Variants in TIPARP observed in about 807,000 individuals in gnomAD.
The protein encoded by TIPARP is protein mono-ADP-ribosyltransferase TIPARP.
A neutral mutation model predicts 56.5 loss-of-function variants in TIPARP; 12 were observed. That is an observed-to-expected ratio of 0.21 (90% CI 0.14 to 0.34). TIPARP has a LOEUF of 0.34. Ranked by LOEUF, TIPARP falls within the 10% of genes least tolerant of loss-of-function variation. The probability of loss-of-function intolerance (pLI) is 1.00; values close to 1 mark genes in which losing one functional copy is unlikely to be tolerated. For missense variants in TIPARP, 604 were observed against 781.6 expected, an observed-to-expected ratio of 0.77 and a Z score of 2.71; for synonymous variants, 296 against 265.7, an observed-to-expected ratio of 1.11 and a Z score of -1.11.
chr3:156,703,903 C>T (rs1409988939), intron 5 of TIPARP, among the ~76,000 whole-genome samples: 3 of 151,512 alleles, frequency 2.0e-5, no homozygotes, highest in Admixed American at 6.6e-5. Context: ...GTCCCAGCTA[C>T]TCGGGAGGCT....
chr3:156,704,605 G>A (rs1040963498), intron 5 of TIPARP, 79 bp from the exon 6 acceptor site: 22 of 1,425,546 alleles, frequency 1.5e-5, no homozygotes, highest in Non-Finnish European at 1.9e-5. Flanking sequence ...ACCATAAAGA[G>A]AAGTTTATGA....
chr3:156,678,063 G>T lies in TIPARP; in HGVS notation c.366G>T (p.Pro122=). The T allele has an allele frequency of 6.2e-7, 1 of 1,614,054 alleles. No homozygotes were observed. Residue 122 remains proline, a synonymous_variant, in exon 2 of 6, where the codon CCG becomes CCT. Coordinates refer to ENST00000295924, the MANE Select transcript of TIPARP (RefSeq NM_015508.5). ...PDRTNVGDQI[P]EAHPSTEAPE... is the part of the protein sequence containing the mutation. The stretch of plus-strand genomic sequence containing the variant: ...GGACAAATGTTGGGGACCAGATACC[G>T]GAAGCCCATCCTTCCACTGAAGCTC...
rs1479652371 is a variant in TIPARP at position 156,678,515 on chromosome 3, C to T, written c.818C>T (p.Thr273Ile). 6.2e-7 allele frequency: 1 copy of T among 1,614,048 alleles called. No individual in the cohort carries two copies. The highest frequency in any genetic ancestry group is 2.2e-5 in the East Asian group (1 of 44,902). ...VLPYHWQIKR[T>I]TTQKWQSVFN... ...CCATATCATTGGCAGATCAAAAGGA[C>T]AACTACTCAAAAGTGGCAGAGTGTA... The change falls in exon 2 of 6, where the codon ACA becomes ATA. Residue 273 changes from threonine to isoleucine, a missense_variant. Thr to Ile is a moderately conservative substitution (Grantham distance 89). This residue lies in a region of TIPARP where 252 missense variants were observed against 303.9 expected (regional missense o/e 0.83). Coordinates refer to ENST00000295924, the MANE Select transcript of TIPARP (RefSeq NM_015508.5).
intron 2 of TIPARP, chr3:156,681,196 A>G (rs1247545177): frequency 2.0e-5 from 9 of 456,508 alleles, no homozygotes; most frequent in Non-Finnish European, 4.0e-5. Flanking sequence ...CCAGGTTCAC[A>G]TGGTTACCAC....
At chr3:156,686,757 TATG>T (rs1184727100) in intron 2 of TIPARP, among the ~76,000 whole-genome samples, 3 of 152,292 alleles carry the variant, frequency 2.0e-5, no homozygotes, top group Admixed American at 6.5e-5. Flanking sequence ...AAAATATTTT[TATG>T]ATAACTATAA....
At chr3:156,688,817 A>G (rs906642030) in intron 2 of TIPARP, among the ~76,000 whole-genome samples, 35 of 152,208 alleles carry the variant, frequency 2.3e-4, no homozygotes, top group Non-Finnish European at 4.3e-4. Context: ...CGGCAAACAT[A>G]TCCCATCTGC....
intron 4 of TIPARP, among the ~76,000 whole-genome samples, chr3:156,701,603 A>T (rs1722845932): frequency 6.6e-6 from 1 of 152,132 alleles, no homozygotes; most frequent in Non-Finnish European, 1.5e-5. Context: ...CTTTTTAAGG[A>T]GTTATAGATA....
chr3:156,677,737 G>A lies in TIPARP; in HGVS notation c.40G>A (p.Val14Met), dbSNP rs776153131. The A allele has an allele frequency of 5.6e-6, 9 of 1,612,632 alleles. No homozygotes were observed. Among genetic ancestry groups the A allele is most frequent in the Non-Finnish European group, 5.9e-6 (7 of 1,179,502 alleles). ...ETTEPEPDCV[V>M]QPPSPPDDFS... The stretch of plus-strand genomic sequence containing the variant: ...CACCGAACCTGAGCCAGACTGTGTA[G>A]TGCAGCCTCCCTCTCCTCCTGATGA... Residue 14 changes from valine (V) to methionine (M), a missense_variant, in exon 2 of 6, where the codon GTG becomes ATG. Transcript: ENST00000295924.
chr3:156,695,110 A>G lies in TIPARP; in HGVS notation c.1087-755A>G, dbSNP rs1185586414. ...TAGAATACAAGGCTGTTTAAAATGT[A>G]CTCTCAGAATACTCAGACTGTTCCT... is the stretch of plus-strand genomic sequence containing the variant. On this transcript the variant is annotated intron_variant, in intron 3 of 5. Transcript: ENST00000295924. Among the ~76,000 whole-genome samples, 3 of 152,200 alleles carry G rather than the reference A, an allele frequency of 2.0e-5. No individual in the cohort carries two copies. In the East Asian group the frequency reaches 5.8e-4, roughly 29 times the overall value.
intron 4 of TIPARP, among the ~76,000 whole-genome samples, chr3:156,698,204 G>A (rs344018): frequency 0.36 from 54,585 of 152,016 alleles, 10,397 homozygotes; most frequent in Middle Eastern, 0.48. Flanking sequence ...GGTTCATGAG[G>A]TTTAAGAGCC....
chr3:156,694,008 G>GTT lies in TIPARP; in HGVS notation c.918-4_918-3dup. The GTT allele has an allele frequency of 5.2e-6, 8 of 1,528,374 alleles. No individual in the cohort carries two copies. The highest frequency in any genetic ancestry group is 2.3e-5 in the East Asian group (1 of 42,722). 94.7% of individuals were successfully genotyped at this position (1,528,374 alleles called of 1,614,324 possible). A position where few individuals can be genotyped will look rare whatever the true frequency, so the allele number is the denominator to read the frequency against. On this transcript the variant is annotated splice_polypyrimidine_tract_variant and intron_variant, in intron 2 of 5. Coordinates refer to ENST00000295924, the MANE Select transcript of TIPARP (RefSeq NM_015508.5). Reference sequence around the variant, plus strand: ...AGGTTTTTGGGTTTTTTTTGTTTTTGTTTTTTTTTAGAGGACAAGAATTTT... The same window carrying GTT: ...AGGTTTTTGGGTTTTTTTTGTTTTTGTTTTTTTTTTTAGAGGACAAGAATTTT...
chr3:156,677,997 C>T lies in TIPARP; in HGVS notation c.300C>T (p.Cys100=). ...AAGCCATGGAAATCAATTCATCATG[C>T]CCACCAGCAGAAAATAATATGTCTG... is the stretch of plus-strand genomic sequence containing the variant. ...MKKAMEINSS[C]PPAENNMSVL... is the part of the protein sequence containing the mutation. The change falls in exon 2 of 6, where the codon TGC becomes TGT. Residue 100 remains cysteine (C), a synonymous_variant. Coordinates refer to ENST00000295924, the MANE Select transcript of TIPARP (RefSeq NM_015508.5). 1 of 1,614,058 alleles carries T rather than the reference C, an allele frequency of 6.2e-7. No homozygotes were observed.
intron 4 of TIPARP, among the ~76,000 whole-genome samples, chr3:156,701,347 G>A (rs546130938): frequency 5.3e-5 from 8 of 152,176 alleles, no homozygotes; most frequent in Non-Finnish European, 7.3e-5. Flanking sequence ...CTGTTGTCAC[G>A]GCTAGGTTTG....
rs145937401 is a variant in TIPARP at position 156,704,724 on chromosome 3, A to C, written c.1567A>C (p.Arg523=). 1,223 of 1,614,198 alleles carry C rather than the reference A, an allele frequency of 7.6e-4. 4 individuals carry two copies. The African/African-American group carries it at 0.014, about 19-fold the overall frequency. ...YMNRKMFGRD[R]IINERHLFHG... is the part of the protein sequence containing the mutation. ...GAACAGGAAAATGTTTGGCCGTGACAGGATAATAAATGAGAGACATTTATT... is the reference window on the plus strand; with the variant it reads ...GAACAGGAAAATGTTTGGCCGTGACCGGATAATAAATGAGAGACATTTATT... The change falls in exon 6 of 6, where the codon AGG becomes CGG. Residue 523 remains arginine (R), a synonymous_variant. Transcript: ENST00000295924.
At chr3:156,683,502 G>T (rs1021792159) in intron 2 of TIPARP, among the ~76,000 whole-genome samples, 1 of 151,906 alleles carries the variant, frequency 6.6e-6, no homozygotes, top group Non-Finnish European at 1.5e-5. Context: ...TCAGATTTGG[G>T]GTGCTCAATT....
At chr3:156,698,514 C>A (rs1221599654) in intron 4 of TIPARP, among the ~76,000 whole-genome samples, 1 of 152,128 alleles carries the variant, frequency 6.6e-6, no homozygotes, top group Non-Finnish European at 1.5e-5. Context: ...TGCCTGTGCT[C>A]TATAAATGGA....
At chr3:156,680,889 T>A (rs969742686) in intron 2 of TIPARP, among the ~76,000 whole-genome samples, 1 of 152,192 alleles carries the variant, frequency 6.6e-6, no homozygotes, top group Non-Finnish European at 1.5e-5. Flanking sequence ...AGTATTATAA[T>A]TACCATTGCT....
At position 156,678,117 on chromosome 3, in the gene TIPARP, C is replaced by A. The variant is rs570398140; in HGVS notation, c.420C>A (p.His140Gln). The change falls in exon 2 of 6, where the codon CAC becomes CAA. Residue 140 changes from histidine (H) to glutamine (Q), a missense_variant. By Grantham distance (24) the His-to-Gln change is conservative. This residue lies in a region of TIPARP where 261 missense variants were observed against 279.2 expected (regional missense o/e 0.93). Transcript: ENST00000295924. ...AACGAGTGGTTCCAATCCAAGATCACAGCTTTCCATCAGAAACCCTCAGTG... is the reference window on the plus strand; with the variant it reads ...AACGAGTGGTTCCAATCCAAGATCAAAGCTTTCCATCAGAAACCCTCAGTG... ...APERVVPIQDHSFPSETLSGT... is the reference protein window; with the variant it reads ...APERVVPIQDQSFPSETLSGT... 1.2e-6 allele frequency: 2 copies of A among 1,614,106 alleles called. No individual in the cohort carries two copies. The highest frequency in any genetic ancestry group is 2.2e-5 in the East Asian group (1 of 44,890).
intron 2 of TIPARP, among the ~76,000 whole-genome samples, chr3:156,685,094 A>G (rs987282049): frequency 3.3e-5 from 5 of 152,244 alleles, no homozygotes; most frequent in African/African-American, 9.6e-5. Flanking sequence ...AATATAATCA[A>G]TTCTGTGATT....
Sources: allele counts gnomAD v4.1 joint callset (sites outside exome capture counted in the v4.1 genomes callset), GRCh38; gene constraint gnomAD v4.1.1; regional missense constraint gnomAD v4.1.1; transcripts MANE v1.5; gene names NCBI Gene and HGNC (gene_info 2026-07-23, HGNC 2026-07-21).